GPC5: variants seen among roughly 807,000 people sequenced by gnomAD.
GPC5 encodes glypican-5.
In GPC5, 47 loss-of-function variants were observed where a neutral mutation model predicts 53.9. The ratio of observed to expected loss-of-function variants is 0.87; its 90% confidence interval spans 0.69 to 1.11. GPC5 has a LOEUF of 1.11. GPC5 is among the 50% of genes most tolerant of loss of function. The probability of loss-of-function intolerance (pLI) is 0.00; values close to 1 mark genes in which losing one functional copy is unlikely to be tolerated. For synonymous variants in GPC5, 286 were observed against 263.3 expected (o/e 1.09, Z -0.84); for missense variants, 748 against 713.1 (o/e 1.05, Z -0.56).
intron 5 of GPC5, among the ~76,000 whole-genome samples, chr13:91,902,843 G>A (rs555945328): frequency 7.2e-5 from 11 of 152,026 alleles, no homozygotes; most frequent in African/African-American, 2.6e-4. Context: ...ACTTAATGAC[G>A]ACAGACCACT....
chr13:92,025,107 T>G (rs991047936), intron 6 of GPC5, among the ~76,000 whole-genome samples: 2 of 152,152 alleles, frequency 1.3e-5, no homozygotes, highest in Non-Finnish European at 2.9e-5. Flanking sequence ...CCTCCCCCTT[T>G]CTTTTTGTTT....
intron 7 of GPC5, among the ~76,000 whole-genome samples, chr13:92,559,340 G>A (rs1033025841): frequency 6.6e-6 from 1 of 150,534 alleles, no homozygotes; most frequent in African/African-American, 2.5e-5. Context: ...ATGTGTGTGT[G>A]TGTGTGTGTG....
At chr13:91,750,774 G>T (rs1024569227) in intron 4 of GPC5, among the ~76,000 whole-genome samples, 5 of 133,694 alleles carry the variant, frequency 3.7e-5, no homozygotes, top group Admixed American at 2.6e-4. Context: ...TCTGCCTCCC[G>T]GCCTCAGCCT....
At chr13:92,844,018 C>G (rs998799469) in intron 7 of GPC5, among the ~76,000 whole-genome samples, 4 of 151,284 alleles carry the variant, frequency 2.6e-5, no homozygotes, top group Admixed American at 6.6e-5. Context: ...CTGGAAGACA[C>G]TTTGGAGGTG....
intron 7 of GPC5, among the ~76,000 whole-genome samples, chr13:92,834,878 A>G (rs1200432704): frequency 6.6e-6 from 1 of 152,124 alleles, no homozygotes; most frequent in Non-Finnish European, 1.5e-5. Context: ...TACCATTCAG[A>G]ACAAAAGACA....
intron 7 of GPC5, among the ~76,000 whole-genome samples, chr13:92,810,408 C>A (rs1213386908): frequency 1.3e-5 from 2 of 151,738 alleles, no homozygotes; most frequent in Admixed American, 6.6e-5. Flanking sequence ...AAGAAGACTA[C>A]CCAGAAAATG....
intron 6 of GPC5, among the ~76,000 whole-genome samples, chr13:91,989,849 A>AGTT (rs59264890): frequency 0.87 from 132,470 of 151,964 alleles, 58,089 homozygotes; most frequent in East Asian, 0.98. Flanking sequence ...TTGACTATAC[A>AGTT]GTTATTACTC....
intron 1 of GPC5, among the ~76,000 whole-genome samples, chr13:91,413,350 C>T (rs1319478608): frequency 6.7e-6 from 1 of 150,282 alleles, no homozygotes; most frequent in Non-Finnish European, 1.5e-5. Context: ...AATATGGCCC[C>T]ACTTAAAAAA....
At chr13:92,541,335 G>GA (rs1330816929) in intron 7 of GPC5, among the ~76,000 whole-genome samples, 1 of 151,658 alleles carries the variant, frequency 6.6e-6, no homozygotes, top group Non-Finnish European at 1.5e-5. Context: ...AATATTATAT[G>GA]AAAATGTATT....
At chr13:91,815,140 A>T (rs2038380513) in intron 5 of GPC5, among the ~76,000 whole-genome samples, 1 of 152,280 alleles carries the variant, frequency 6.6e-6, no homozygotes, top group Admixed American at 6.5e-5. Flanking sequence ...ACAAAGCAGG[A>T]GGATCACTTG....
intron 5 of GPC5, among the ~76,000 whole-genome samples, chr13:91,859,068 T>C (rs1328350080): frequency 2.0e-5 from 3 of 151,232 alleles, no homozygotes; most frequent in African/African-American, 7.3e-5. Flanking sequence ...TAAAGGTTAG[T>C]AGGTTTGGTT....
At chr13:91,727,225 A>G (rs942246477) in intron 3 of GPC5, among the ~76,000 whole-genome samples, 4 of 152,166 alleles carry the variant, frequency 2.6e-5, no homozygotes, top group Non-Finnish European at 5.9e-5. Context: ...AATCTGATTG[A>G]ACTGAAATAA....
chr13:92,622,489 T>C (rs1884906956), intron 7 of GPC5, among the ~76,000 whole-genome samples: 1 of 152,216 alleles, frequency 6.6e-6, no homozygotes, highest in Non-Finnish European at 1.5e-5. Flanking sequence ...TCGAATGTTG[T>C]GCCTGGATTA....
chr13:92,146,455 GA>G (rs1224463215), intron 7 of GPC5, among the ~76,000 whole-genome samples: 1 of 151,856 alleles, frequency 6.6e-6, no homozygotes, highest in African/African-American at 2.4e-5. Flanking sequence ...AGTTTTCTGT[GA>G]AAAAAATACT....
At chr13:92,560,577 C>T (rs1184931767) in intron 7 of GPC5, among the ~76,000 whole-genome samples, 1 of 151,946 alleles carries the variant, frequency 6.6e-6, no homozygotes, top group East Asian at 1.9e-4. Context: ...CATAATGGTT[C>T]TCCATATCCC....
At chr13:92,777,271 G>C (rs1875846016) in intron 7 of GPC5, among the ~76,000 whole-genome samples, 1 of 148,898 alleles carries the variant, frequency 6.7e-6, no homozygotes. Flanking sequence ...AGGAGGTAGA[G>C]GTTGCAGTGA....
intron 7 of GPC5, among the ~76,000 whole-genome samples, chr13:92,512,253 C>CGT (rs1555339440): frequency 5.3e-5 from 7 of 131,870 alleles, no homozygotes; most frequent in Middle Eastern, 4.3e-3. Context: ...TGTGTGTGCG[C>CGT]GCGCGCGCGC....
intron 6 of GPC5, among the ~76,000 whole-genome samples, chr13:92,003,913 C>G (rs2040579918): frequency 1.3e-5 from 2 of 152,158 alleles, no homozygotes; most frequent in Admixed American, 6.5e-5. Context: ...TAAAAACAAG[C>G]CTCTTATAAT....
At chr13:92,410,219 T>G (rs1875982771) in intron 7 of GPC5, among the ~76,000 whole-genome samples, 1 of 152,190 alleles carries the variant, frequency 6.6e-6, no homozygotes, top group Admixed American at 6.5e-5. Flanking sequence ...CTGAATATAC[T>G]AATTTTCAGG....
Sources: allele counts gnomAD v4.1 joint callset (sites outside exome capture counted in the v4.1 genomes callset), GRCh38; gene constraint gnomAD v4.1.1; transcripts MANE v1.5; gene names NCBI Gene and HGNC (gene_info 2026-07-23, HGNC 2026-07-21).